The following PCDHA5 variants were observed in gnomAD, a reference collection of about 807,000 sequenced individuals.
PCDHA5 encodes the protein protocadherin alpha-5.
Under a neutral mutation model 61.6 loss-of-function variants are expected in PCDHA5, and 43 were observed. The ratio of observed to expected loss-of-function variants is 0.70; its 90% CI spans 0.55 to 0.90. PCDHA5 has a LOEUF of 0.90. Ranked by LOEUF, PCDHA5 falls within the 40% of genes least tolerant of loss-of-function variation. The probability of loss-of-function intolerance (pLI) is 0.00; values close to 1 mark genes in which losing one functional copy is unlikely to be tolerated. For missense variants in PCDHA5, 1,298 were observed against 1,222.7 expected, an observed-to-expected ratio of 1.06 and a Z score of -0.92; for synonymous variants, 627 against 543.9, an observed-to-expected ratio of 1.15 and a Z score of -2.13.
chr5:140,856,776 G>C (rs782634261), intron 1 of PCDHA5: 3 of 1,596,678 alleles, frequency 1.9e-6, no homozygotes, highest in Non-Finnish European at 1.7e-6. Flanking sequence ...ATCTTTGACA[G>C]ACCGGTTTAT....
At chr5:140,905,787 G>C (rs1468265319) in intron 1 of PCDHA5, among the ~76,000 whole-genome samples, 1 of 152,012 alleles carries the variant, frequency 6.6e-6, no homozygotes, top group African/African-American at 2.4e-5. Flanking sequence ...TATTAGTCAG[G>C]GTTCTCTAGA....
chr5:140,927,632 C>G (rs2084445013), intron 1 of PCDHA5: 2 of 1,614,142 alleles, frequency 1.2e-6, no homozygotes, highest in Non-Finnish European at 1.7e-6. Context: ...GAGACTGCAC[C>G]CAATGGGACT....
chr5:140,877,331 T>A (rs2057038565), intron 1 of PCDHA5: 15 of 1,613,962 alleles, frequency 9.3e-6, no homozygotes, highest in Non-Finnish European at 1.3e-5. Context: ...GGCGCGCACA[T>A]CCCGTTCCAC....
At chr5:140,847,029 A>T (rs1780820329) in intron 1 of PCDHA5, among the ~76,000 whole-genome samples, 1 of 149,824 alleles carries the variant, frequency 6.7e-6, no homozygotes, top group African/African-American at 2.4e-5. Context: ...TTGGAAAGAG[A>T]AAACATAAGG....
rs2098419589 is a variant in PCDHA5 at position 141,011,142 on chromosome 5, C to A, written c.*1205C>A. 1 of 153,660 alleles carries A rather than the reference C, an allele frequency of 6.5e-6. No individual in the cohort carries two copies. The highest frequency in any genetic ancestry group is 2.1e-4 in the South Asian group (1 of 4,820). 9.5% of individuals were successfully genotyped at this position (153,660 alleles called of 1,614,324 possible). On this transcript the variant is annotated 3_prime_UTR_variant, in exon 4 of 4. Transcript: ENST00000529859. ...CAATTATGTGCACTTTGATACACAA[C>A]CTTCTCTAACCAACTATATATCAAG...
intron 1 of PCDHA5, among the ~76,000 whole-genome samples, chr5:140,937,756 C>CA (rs2091723973): frequency 1.3e-5 from 2 of 151,360 alleles, no homozygotes; most frequent in African/African-American, 4.9e-5. Flanking sequence ...ACTAAAAATA[C>CA]AAAAAATTAG....
At chr5:140,924,898 AAAAAAAAT>A (rs781900915) in intron 1 of PCDHA5, among the ~76,000 whole-genome samples, 16 of 53,028 alleles carry the variant, frequency 3.0e-4, no homozygotes, top group Non-Finnish European at 6.0e-4. Context: ...CTGTCTCAAA[AAAAAAAAT>A]AAAATAAAAT....
At chr5:140,966,790 T>C in intron 1 of PCDHA5, 1 of 1,529,556 alleles carries the variant, frequency 6.5e-7, no homozygotes, top group Non-Finnish European at 8.8e-7. Context: ...GCACCAGACC[T>C]GCGGCGACAG....
chr5:140,892,413 T>C (rs1554185182), intron 1 of PCDHA5, among the ~76,000 whole-genome samples: 1 of 152,222 alleles, frequency 6.6e-6, no homozygotes, highest in Non-Finnish European at 1.5e-5. Context: ...CTTCAGGTAT[T>C]CTAGATAAAA....
intron 1 of PCDHA5, among the ~76,000 whole-genome samples, chr5:140,855,303 A>C (rs1045706471): frequency 6.7e-6 from 1 of 149,854 alleles, no homozygotes; most frequent in Admixed American, 6.7e-5. Context: ...CAAAGTTATA[A>C]AATTGGAACA....
intron 1 of PCDHA5, chr5:140,870,955 C>A (rs782342308): frequency 1.9e-6 from 3 of 1,613,632 alleles, no homozygotes; most frequent in Non-Finnish European, 2.5e-6. Flanking sequence ...GGGCGGCTCG[C>A]GCATCCCGTT....
chr5:140,934,000 A>G (rs2089557025), intron 1 of PCDHA5, among the ~76,000 whole-genome samples: 1 of 151,350 alleles, frequency 6.6e-6, no homozygotes, highest in Non-Finnish European at 1.5e-5. Context: ...GTCACCTCTC[A>G]TTTTTCTTGA....
At chr5:140,875,596 G>T (rs1554167787) in intron 1 of PCDHA5, 2 of 1,613,938 alleles carry the variant, frequency 1.2e-6, no homozygotes, top group East Asian at 2.2e-5. Context: ...GGCCAAACAC[G>T]GCACCTTCGT....
intron 1 of PCDHA5, chr5:140,876,671 C>T (rs782473628): frequency 3.1e-6 from 5 of 1,614,212 alleles, no homozygotes; most frequent in Non-Finnish European, 2.5e-6. Flanking sequence ...CTGGTGTCCA[C>T]CTACAAGAAT....
intron 1 of PCDHA5, chr5:140,865,597 G>A (rs1391602074): frequency 6.6e-6 from 1 of 152,154 alleles, no homozygotes; most frequent in Non-Finnish European, 1.5e-5. Context: ...CATTGTTTGA[G>A]CAGTTTATTA....
At chr5:140,980,948 G>C (rs72802987) in intron 2 of PCDHA5, among the ~76,000 whole-genome samples, 1 of 152,206 alleles carries the variant, frequency 6.6e-6, no homozygotes, top group Non-Finnish European at 1.5e-5. Flanking sequence ...CTGGCTCCAG[G>C]ATAGTTACAC....
intron 1 of PCDHA5, among the ~76,000 whole-genome samples, chr5:140,917,083 T>C (rs2077876290): frequency 6.6e-6 from 1 of 152,078 alleles, no homozygotes; most frequent in South Asian, 2.1e-4. Flanking sequence ...TAATGTAAAG[T>C]TCCCCAGTTG....
At chr5:140,871,303 G>A (rs1562661921) in intron 1 of PCDHA5, 1 of 1,613,854 alleles carries the variant, frequency 6.2e-7, no homozygotes, top group Non-Finnish European at 8.5e-7. Flanking sequence ...GTGCGCGCCG[G>A]GGAAGCCCAC....
At chr5:141,004,348 C>A (rs1554259549) in intron 3 of PCDHA5, among the ~76,000 whole-genome samples, 1 of 152,216 alleles carries the variant, frequency 6.6e-6, no homozygotes, top group Non-Finnish European at 1.5e-5. Context: ...CTGTGAGGGA[C>A]TGGAGAGACC....
Sources: gnomAD v4.1 joint callset for allele counts (sites outside exome capture counted in the v4.1 genomes callset) on GRCh38, gnomAD v4.1.1 for gene constraint, MANE v1.5 for transcripts, NCBI Gene and HGNC (gene_info 2026-07-23, HGNC 2026-07-21) for gene names.